SPOCK3: variants seen among roughly 807,000 people sequenced by gnomAD.
SPOCK3 encodes testican-3.
SPOCK3 carries 30 observed loss-of-function variants against 56.6 expected under a neutral mutation model. The ratio of observed to expected loss-of-function variants is 0.53; its 90% CI spans 0.40 to 0.72. SPOCK3 has a LOEUF of 0.72. SPOCK3 is among the 30% of genes least tolerant of loss of function. The pLI is 0.00. For synonymous variants in SPOCK3, 196 were observed against 183.3 expected (o/e 1.07, Z -0.56); for missense variants, 527 against 530.0 (o/e 0.99, Z 0.06).
intron 2 of SPOCK3, among the ~76,000 whole-genome samples, chr4:167,172,586 C>G (rs571502144): frequency 6.6e-6 from 1 of 152,110 alleles, no homozygotes; most frequent in Non-Finnish European, 1.5e-5. Context: ...CAACTTCAAA[C>G]TAGTTTTCCT....
intron 6 of SPOCK3, among the ~76,000 whole-genome samples, chr4:166,869,461 A>G (rs967993821): frequency 1.3e-5 from 2 of 152,090 alleles, no homozygotes; most frequent in Admixed American, 6.6e-5. Flanking sequence ...TAACAATACT[A>G]TAACATCTAC....
intron 2 of SPOCK3, among the ~76,000 whole-genome samples, chr4:167,120,737 T>G (rs1407404524): frequency 6.6e-6 from 1 of 152,050 alleles, no homozygotes; most frequent in Non-Finnish European, 1.5e-5. Context: ...TATAACTTCA[T>G]TCATTTTAAC....
At chr4:167,095,210 G>C (rs1759047150) in intron 2 of SPOCK3, among the ~76,000 whole-genome samples, 1 of 152,008 alleles carries the variant, frequency 6.6e-6, no homozygotes, top group South Asian at 2.1e-4. Context: ...CCAAATATCT[G>C]GGAACCCTCT....
intron 3 of SPOCK3, among the ~76,000 whole-genome samples, chr4:167,036,090 A>G (rs949819062): frequency 2.0e-5 from 3 of 152,182 alleles, no homozygotes; most frequent in African/African-American, 7.2e-5. Flanking sequence ...CATTTAATCT[A>G]TCTTGCCCAA....
At chr4:166,779,926 A>C (rs879043827) in intron 7 of SPOCK3, among the ~76,000 whole-genome samples, 1 of 152,156 alleles carries the variant, frequency 6.6e-6, no homozygotes, top group Non-Finnish European at 1.5e-5. Context: ...AATTTTAGAG[A>C]CCAAAAATGA....
chr4:166,754,667 C>T lies in SPOCK3; in HGVS notation c.772G>A (p.Asp258Asn). ...TCCAATAGCAGGTCATAGTTTGTATCAAGTCTGTTAAACATCCAGCCAAGT... is the reference window on the plus strand; with the variant it reads ...TCCAATAGCAGGTCATAGTTTGTATTAAGTCTGTTAAACATCCAGCCAAGT... Reference protein sequence around the residue: ...DSLGWMFNRLDTNYDLLLDQS... With the variant: ...DSLGWMFNRLNTNYDLLLDQS... Residue 258 changes from aspartate to asparagine, a missense_variant, in exon 8 of 11, where the codon GAT (aspartate) becomes AAT (asparagine). By Grantham distance (23) the Asp-to-Asn change is conservative (BLOSUM62 1). Coordinates refer to ENST00000357545, the MANE Select transcript of SPOCK3 (RefSeq NM_001040159.2). 6.2e-7 allele frequency: 1 copy of T among 1,613,662 alleles called. No homozygotes were observed. The highest frequency in any genetic ancestry group is 8.5e-7 in the Non-Finnish European group (1 of 1,179,740).
intron 7 of SPOCK3, among the ~76,000 whole-genome samples, chr4:166,768,029 T>A (rs1448453071): frequency 6.6e-6 from 1 of 151,974 alleles, no homozygotes; most frequent in African/African-American, 2.4e-5. Context: ...TTTTTTGTTT[T>A]ACATTTGTCT....
At chr4:167,198,100 C>G (rs1178694293) in intron 2 of SPOCK3, among the ~76,000 whole-genome samples, 1 of 152,102 alleles carries the variant, frequency 6.6e-6, no homozygotes, top group Non-Finnish European at 1.5e-5. Context: ...TAGCTGGAAT[C>G]AGATTATACA....
chr4:167,228,215 A>G (rs1736793024), intron 2 of SPOCK3, among the ~76,000 whole-genome samples: 1 of 152,184 alleles, frequency 6.6e-6, no homozygotes, highest in Non-Finnish European at 1.5e-5. Flanking sequence ...TCTGTTGTCA[A>G]CTTGACATAC....
intron 2 of SPOCK3, among the ~76,000 whole-genome samples, chr4:167,112,042 G>A (rs1760948451): frequency 6.6e-6 from 1 of 152,114 alleles, no homozygotes; most frequent in Admixed American, 6.6e-5. Context: ...TTACAGGCAT[G>A]AGCCAACACC....
In SPOCK3 at chr4:166,846,394, A is replaced by G. The variant is rs779488210; in HGVS notation, c.589+42736T>C. Among the ~76,000 whole-genome samples, 90 of 152,254 alleles carry G rather than the reference A, an allele frequency of 5.9e-4. 1 individual carries two copies. Among genetic ancestry groups the G allele is most frequent in the Middle Eastern group, 6.8e-3 (2 of 294 alleles). ...GTAATATTATCATATATAATTTTAG[A>G]TATTGTAGATTAATAGATTATCCTT... On this transcript the variant is annotated intron_variant, in intron 6 of 10. Coordinates refer to ENST00000357545, the MANE Select transcript of SPOCK3 (RefSeq NM_001040159.2).
At position 166,889,136 on chromosome 4, in the gene SPOCK3, T is replaced by C; in HGVS notation, c.583A>G (p.Lys195Glu). Residue 195 changes from lysine to glutamate, a missense_variant, in exon 6 of 11, where the codon AAG becomes GAG. Physicochemically the swap from Lys to Glu is moderately conservative, Grantham distance 56. Coordinates refer to ENST00000357545, the MANE Select transcript of SPOCK3 (RefSeq NM_001040159.2). The stretch of plus-strand genomic sequence containing the variant: ...ATATATTTTTGTCACTTACCTCTCT[T>C]AACATTTCTGCTTGTACTGGTGGGC... Reference protein sequence around the residue: ...DKPTSTSRNVKRACSDLEFRE... With the variant: ...DKPTSTSRNVERACSDLEFRE... 20 of 1,594,554 alleles carry C rather than the reference T, an allele frequency of 1.3e-5. No individual in the cohort carries two copies. Among genetic ancestry groups the C allele is most frequent in the Non-Finnish European group, 1.7e-5 (20 of 1,163,122 alleles).
intron 4 of SPOCK3, among the ~76,000 whole-genome samples, chr4:166,995,135 A>T (rs889080451): frequency 6.6e-6 from 1 of 152,052 alleles, no homozygotes; most frequent in African/African-American, 2.4e-5. Context: ...AATTAAGTGA[A>T]TTCTCTGTCT....
At chr4:166,841,679 C>T (rs1747360396) in intron 6 of SPOCK3, among the ~76,000 whole-genome samples, 1 of 152,024 alleles carries the variant, frequency 6.6e-6, no homozygotes, top group Admixed American at 6.5e-5. Context: ...CATGTTATTG[C>T]AAAGTAATAT....
At chr4:167,165,785 C>T (rs947857176) in intron 2 of SPOCK3, among the ~76,000 whole-genome samples, 1 of 151,946 alleles carries the variant, frequency 6.6e-6, no homozygotes, top group Non-Finnish European at 1.5e-5. Context: ...TTATAGATCA[C>T]ACAATATTGC....
intron 2 of SPOCK3, among the ~76,000 whole-genome samples, chr4:167,116,625 A>ATATACTATATACTTATATATATACACG (rs1554038945): frequency 8.0e-6 from 1 of 125,216 alleles, no homozygotes; most frequent in African/African-American, 3.1e-5. Flanking sequence ...ATATATATAC[A>ATATACTATATACTTATATATATACACG]TATATACTAT....
intron 3 of SPOCK3, among the ~76,000 whole-genome samples, chr4:167,049,762 A>G (rs1006634338): frequency 6.6e-6 from 1 of 152,114 alleles, no homozygotes; most frequent in Non-Finnish European, 1.5e-5. Flanking sequence ...CAAGTTACAA[A>G]CACCTCATAT....
Position 167,114,644 on chromosome 4 carries a change from T to G in SPOCK3, c.190-52107A>C, listed in dbSNP as rs552377445. Among the ~76,000 whole-genome samples the G allele has an allele frequency of 1.3e-4, 20 of 152,260 alleles. No homozygotes were observed. The South Asian group carries it at 4.1e-3, about 32-fold the overall frequency. On this transcript the variant is annotated intron_variant, in intron 2 of 10. Coordinates refer to ENST00000357545, the MANE Select transcript of SPOCK3 (RefSeq NM_001040159.2). ...GAGATAAAGTGTGACAGACAAGACT[T>G]GGCAATGAATAGAGCTTCTAGTAAA...
intron 2 of SPOCK3, chr4:167,083,303 T>C: frequency 2.6e-6 from 2 of 764,886 alleles, no homozygotes; most frequent in East Asian, 2.4e-5. Context: ...CAGGTTGTCA[T>C]CTGCTCCTAC....
Sources: gnomAD v4.1 joint callset for allele counts (sites outside exome capture counted in the v4.1 genomes callset) on GRCh38, gnomAD v4.1.1 for gene constraint, MANE v1.5 for transcripts, NCBI Gene and HGNC (gene_info 2026-07-23, HGNC 2026-07-21) for gene names.